The following DCAF8L1 variants were observed in gnomAD, a reference collection of about 807,000 sequenced individuals.
DCAF8L1 encodes the protein DDB1- and CUL4-associated factor 8-like protein 1.
For synonymous variants in DCAF8L1, 217 were observed against 186.8 expected (o/e 1.16, Z -1.32); for missense variants, 434 against 481.6 (o/e 0.90, Z 0.92).
In DCAF8L1 at chrX:27,978,823, G is replaced by A; in HGVS notation, c.*709C>T. On this transcript the variant is annotated 3_prime_UTR_variant, in exon 1 of 1. Transcript: ENST00000441525. ...CCAGGAGCTCTGTGCCATCGTGGCT[G>A]TACACAATGCAGGTGATGTTTGTTG... 1 of 915,220 alleles carries A rather than the reference G, an allele frequency of 1.1e-6. No individual in the cohort carries two copies. Among genetic ancestry groups the A allele is most frequent in the South Asian group, 2.0e-5 (1 of 49,762 alleles). The allele number at this position is 915,220 out of a possible 1,213,427, so 75.4% of individuals were successfully genotyped here. A position where few individuals can be genotyped will look rare whatever the true frequency, so the allele number is the denominator to read the frequency against.
At position 27,979,368 on chromosome X, in the gene DCAF8L1, G is replaced by A; in HGVS notation, c.*164C>T. ...TAGAGGTCAATTATAAGGGAACAAA[G>A]GAAAAGAGGCATAAATAAGTTGTGT... On this transcript the variant is annotated 3_prime_UTR_variant, in exon 1 of 1. Coordinates refer to ENST00000441525, the MANE Select transcript of DCAF8L1 (RefSeq NM_001017930.2). 1.5e-6 allele frequency: 1 copy of A among 645,622 alleles called. No homozygotes were observed. Among genetic ancestry groups the A allele is most frequent in the Non-Finnish European group, 2.1e-6 (1 of 467,846 alleles). 53.2% of individuals were successfully genotyped at this position (645,622 alleles called of 1,213,427 possible).
In DCAF8L1 at chrX:27,979,574, G is replaced by A. The variant is rs756062581; in HGVS notation, c.1761C>T (p.Ser587=). Residue 587 remains serine, a synonymous_variant, in exon 1 of 1, where the codon TCC becomes TCT. Transcript: ENST00000441525. ...GCACTCGATCTTGGCCCTCCTCCTCGGATGTATCTGAGGTGCTGGAAGACT... is the reference window on the plus strand; with the variant it reads ...GCACTCGATCTTGGCCCTCCTCCTCAGATGTATCTGAGGTGCTGGAAGACT... ...LDESSSTSDT[S]EEEGQDRVQC... The A allele has an allele frequency of 1.7e-6, 2 of 1,208,661 alleles. No homozygotes were observed. The highest frequency in any genetic ancestry group is 1.8e-5 in the South Asian group (1 of 56,560).
At position 27,980,596 on chromosome X, in the gene DCAF8L1, A is replaced by T; in HGVS notation, c.739T>A (p.Phe247Ile). 8.2e-7 allele frequency: 1 copy of T among 1,212,238 alleles called. No individual in the cohort carries two copies. The highest frequency in any genetic ancestry group is 1.7e-5 in the African/African-American group (1 of 57,915). The change falls in exon 1 of 1, where the codon TTC becomes ATC. Residue 247 changes from phenylalanine (F) to isoleucine (I), a missense_variant. Transcript: ENST00000441525. Reference protein sequence around the residue: ...GHDINVIQAKFFPNCGDSTLA... With the variant: ...GHDINVIQAKIFPNCGDSTLA... The stretch of plus-strand genomic sequence containing the variant: ...GTGGAATCACCACAGTTAGGAAAGA[A>T]CTTAGCCTGGATGACATTAATATCG...
Position 27,978,917 on chromosome X carries a change from A to G in DCAF8L1, c.*615T>C, listed in dbSNP as rs1320202100. 1.9e-5 allele frequency: 15 copies of G among 775,486 alleles called. No homozygotes were observed. Among genetic ancestry groups the G allele is most frequent in the Admixed American group, 4.8e-5 (2 of 42,078 alleles). The allele number at this position is 775,486 out of a possible 1,213,427, so 63.9% of individuals were successfully genotyped here. On this transcript the variant is annotated 3_prime_UTR_variant, in exon 1 of 1. Transcript: ENST00000441525. ...TACTCCATTGTTTTCTTTCTCATCA[A>G]TTCTCCTCTGGTCATAAATCCTTAA...
Position 27,980,968 on chromosome X carries a change from A to C in DCAF8L1, c.367T>G (p.Cys123Gly). ...EEEQPRMCPR[C>G]GGTNHDQCLL... ...CACTGATCATGGTTGGTGCCACCGC[A>C]TCGTGGACACATCCGAGGCTGTTCT... The change falls in exon 1 of 1, where the codon TGC becomes GGC. Residue 123 changes from cysteine (C) to glycine (G), a missense_variant. Coordinates refer to ENST00000441525, the MANE Select transcript of DCAF8L1 (RefSeq NM_001017930.2). 5 of 1,211,853 alleles carry C rather than the reference A, an allele frequency of 4.1e-6. No individual in the cohort carries two copies. Among genetic ancestry groups the C allele is most frequent in the Non-Finnish European group, 5.6e-6 (5 of 895,490 alleles).
At position 27,978,885 on chromosome X, in the gene DCAF8L1, T is replaced by C. The variant is rs1926578872; in HGVS notation, c.*647A>G. 1.9e-5 allele frequency: 16 copies of C among 836,721 alleles called. No homozygotes were observed. Among genetic ancestry groups the C allele is most frequent in the Non-Finnish European group, 2.8e-5 (16 of 567,995 alleles). The allele number at this position is 836,721 out of a possible 1,213,427, so 69.0% of individuals were successfully genotyped here. On this transcript the variant is annotated 3_prime_UTR_variant, in exon 1 of 1. Coordinates refer to ENST00000441525, the MANE Select transcript of DCAF8L1 (RefSeq NM_001017930.2). ...TTAACCAGATGATGAAGAGTGAATT[T>C]CTTGAGTACTCCATTGTTTTCTTTC...
In DCAF8L1 at chrX:27,981,113, A is replaced by T. The variant is rs755704552; in HGVS notation, c.222T>A (p.Ser74Arg). The change falls in exon 1 of 1, where the codon AGT (serine) becomes AGA (arginine). Residue 74 changes from serine to arginine, a missense_variant. Ser to Arg is a moderately radical substitution (Grantham distance 110). Transcript: ENST00000441525. The part of the protein sequence containing the change: ...STENQNTDSE[S>R]SSEDVELESM... ...TTTCAAGTTCGACGTCTTCACTTGA[A>T]CTTTCTGAGTCTGTGTTTTGATTTT... The T allele has an allele frequency of 8.3e-7, 1 of 1,209,629 alleles. No homozygotes were observed. Among genetic ancestry groups the T allele is most frequent in the African/African-American group, 1.8e-5 (1 of 56,983 alleles).
rs1159897508 is a variant in DCAF8L1 at position 27,978,845 on chromosome X, G to C, written c.*687C>G. The C allele has an allele frequency of 4.3e-6, 4 of 927,240 alleles. No homozygotes were observed. The East Asian group carries it at 1.3e-4, about 31-fold the overall frequency. 76.4% of individuals were successfully genotyped at this position (927,240 alleles called of 1,213,427 possible). A position where few individuals can be genotyped will look rare whatever the true frequency, so the allele number is the denominator to read the frequency against. ...GCTGTACACAATGCAGGTGATGTTTGTTGGAAAATCACAATTAACCAGATG... is the reference window on the plus strand; with the variant it reads ...GCTGTACACAATGCAGGTGATGTTTCTTGGAAAATCACAATTAACCAGATG... On this transcript the variant is annotated 3_prime_UTR_variant, in exon 1 of 1. Transcript: ENST00000441525.
Position 27,981,029 on chromosome X carries a change from C to T in DCAF8L1, c.306G>A (p.Glu102=), listed in dbSNP as rs41311803. 0.083 allele frequency: 100,975 copies of T among 1,209,713 alleles called. 3,066 individuals are homozygous for T. The highest frequency in any genetic ancestry group is 0.13 in the African/African-American group (7,578 of 57,127). Reference sequence around the variant, plus strand: ...CTTCCTCCTCCATCTCTTCTTCTTCCTCCTCCCTTTCTGTCTCCTCTCCCA... The same window carrying T: ...CTTCCTCCTCCATCTCTTCTTCTTCTTCCTCCCTTTCTGTCTCCTCTCCCA... ...PLVGEETERE[E]EEEEMEEEGE... The change falls in exon 1 of 1, where the codon GAG becomes GAA. Residue 102 remains glutamate, a synonymous_variant. Coordinates refer to ENST00000441525, the MANE Select transcript of DCAF8L1 (RefSeq NM_001017930.2).
At position 27,979,054 on chromosome X, in the gene DCAF8L1, T is replaced by G; in HGVS notation, c.*478A>C. ...CTCTTGTTACTACAACTTTTGAAGC[T>G]GTGTGTGTGTGTGGCCAAGTGTTAG... is the stretch of plus-strand genomic sequence containing the variant. On this transcript the variant is annotated 3_prime_UTR_variant, in exon 1 of 1. Transcript: ENST00000441525. 1.7e-5 allele frequency: 5 copies of G among 289,164 alleles called. No individual in the cohort carries two copies. Among genetic ancestry groups the G allele is most frequent in the Non-Finnish European group, 3.2e-5 (5 of 158,207 alleles). 23.8% of individuals were successfully genotyped at this position (289,164 alleles called of 1,213,427 possible).
Position 27,981,211 on chromosome X carries a change from C to T in DCAF8L1, c.124G>A (p.Ala42Thr), listed in dbSNP as rs763661538. The T allele has an allele frequency of 8.3e-7, 1 of 1,211,695 alleles. No individual in the cohort carries two copies. The highest frequency in any genetic ancestry group is 1.8e-5 in the South Asian group (1 of 56,973). The change falls in exon 1 of 1, where the codon GCA (alanine) becomes ACA (threonine). Residue 42 changes from alanine (A) to threonine (T), a missense_variant. Coordinates refer to ENST00000441525, the MANE Select transcript of DCAF8L1 (RefSeq NM_001017930.2). ...TCTCCGGTCGATGGCTCTGTGGCTG[C>T]CATTTCAATGTCTGAGGAGGCCGCC... ...VTAASSDIEM[A>T]ATEPSTGDGG...
In DCAF8L1 at chrX:27,980,953, G is replaced by A. The variant is rs1280803117; in HGVS notation, c.382C>T (p.His128Tyr). ...RMCPRCGGTN[H>Y]DQCLLDEDQA... Reference sequence around the variant, plus strand: ...TCCTCGTCTAACAAACACTGATCATGGTTGGTGCCACCGCATCGTGGACAC... The same window carrying A: ...TCCTCGTCTAACAAACACTGATCATAGTTGGTGCCACCGCATCGTGGACAC... The change falls in exon 1 of 1, where the codon CAT becomes TAT. Residue 128 changes from histidine to tyrosine, a missense_variant. Coordinates refer to ENST00000441525, the MANE Select transcript of DCAF8L1 (RefSeq NM_001017930.2). The A allele has an allele frequency of 5.8e-6, 7 of 1,210,157 alleles. No homozygotes were observed. Among genetic ancestry groups the A allele is most frequent in the East Asian group, 5.9e-5 (2 of 33,696 alleles).
At position 27,980,212 on chromosome X, in the gene DCAF8L1, C is replaced by T. The variant is rs1433723422; in HGVS notation, c.1123G>A (p.Val375Ile). 5.8e-6 allele frequency: 7 copies of T among 1,211,610 alleles called. No homozygotes were observed. Among genetic ancestry groups the T allele is most frequent in the Middle Eastern group, 2.3e-4 (1 of 4,356 alleles). Residue 375 changes from valine (V) to isoleucine (I), a missense_variant, in exon 1 of 1, where the codon GTA becomes ATA. Physicochemically the swap from Val to Ile is conservative, Grantham distance 29 (BLOSUM62 3). Coordinates refer to ENST00000441525, the MANE Select transcript of DCAF8L1 (RefSeq NM_001017930.2). ...RRIDKKENNGVLKKFTPHHLV... is the reference protein window; with the variant it reads ...RRIDKKENNGILKKFTPHHLV... ...TGATGAGGAGTGAATTTCTTGAGTACTCCATTGTTTTCTTTCTTATCAATT... is the reference window on the plus strand; with the variant it reads ...TGATGAGGAGTGAATTTCTTGAGTATTCCATTGTTTTCTTTCTTATCAATT...
At position 27,980,965 on chromosome X, in the gene DCAF8L1, C is replaced by T. The variant is rs201777389; in HGVS notation, c.370G>A (p.Gly124Ser). 71 of 1,210,295 alleles carry T rather than the reference C, an allele frequency of 5.9e-5. No individual in the cohort carries two copies. The highest frequency in any genetic ancestry group is 3.1e-4 in the Admixed American group (14 of 45,844). The change falls in exon 1 of 1, where the codon GGT (glycine) becomes AGT (serine). Residue 124 changes from glycine to serine, a missense_variant. By Grantham distance (56) the Gly-to-Ser change is moderately conservative. Coordinates refer to ENST00000441525, the MANE Select transcript of DCAF8L1 (RefSeq NM_001017930.2). ...AAACACTGATCATGGTTGGTGCCAC[C>T]GCATCGTGGACACATCCGAGGCTGT... Reference protein sequence around the residue: ...EEQPRMCPRCGGTNHDQCLLD... With the variant: ...EEQPRMCPRCSGTNHDQCLLD...
Position 27,980,825 on chromosome X carries a change from G to A in DCAF8L1, c.510C>T (p.Ala170=). ...ALRQRQLGSS[A]RFVYEACGAR... is the part of the protein sequence containing the mutation. ...CCCCACAGGCCTCATATACAAAGCG[G>A]GCACTTGAACCCAGCTGCCGCTGGC... The change falls in exon 1 of 1, where the codon GCC becomes GCT. Residue 170 remains alanine, a synonymous_variant. Coordinates refer to ENST00000441525, the MANE Select transcript of DCAF8L1 (RefSeq NM_001017930.2). 1 of 1,210,569 alleles carries A rather than the reference G, an allele frequency of 8.3e-7. No homozygotes were observed. Among genetic ancestry groups the A allele is most frequent in the Non-Finnish European group, 1.1e-6 (1 of 894,832 alleles).
At position 27,981,242 on chromosome X, in the gene DCAF8L1, C is replaced by T. The variant is rs189774563; in HGVS notation, c.93G>A (p.Ala31=). Residue 31 remains alanine (A), a synonymous_variant, in exon 1 of 1, where the codon GCG becomes GCA. Coordinates refer to ENST00000441525, the MANE Select transcript of DCAF8L1 (RefSeq NM_001017930.2). The part of the protein sequence containing the change: ...SSPEEQSGVA[A]VTAASSDIEM... Reference sequence around the variant, plus strand: ...CAATGTCTGAGGAGGCCGCCGTCACCGCTGCTACTCCAGACTGCTCCTCTG... The same window carrying T: ...CAATGTCTGAGGAGGCCGCCGTCACTGCTGCTACTCCAGACTGCTCCTCTG... The T allele has an allele frequency of 7.6e-5, 92 of 1,208,915 alleles. No homozygotes were observed. Among genetic ancestry groups the T allele is most frequent in the African/African-American group, 8.8e-5 (5 of 56,842 alleles).
chrX:27,981,184 C>T lies in DCAF8L1; in HGVS notation c.151G>A (p.Gly51Ser), dbSNP rs1427037700. 4.1e-6 allele frequency: 5 copies of T among 1,209,881 alleles called. No individual in the cohort carries two copies. The highest frequency in any genetic ancestry group is 5.6e-6 in the Non-Finnish European group (5 of 895,259). ...AAACCACCATCCCTGGTATCACCAC[C>T]ATCTCCGGTCGATGGCTCTGTGGCT... ...MAATEPSTGD[G>S]GDTRDGGFLN... The change falls in exon 1 of 1, where the codon GGT becomes AGT. Residue 51 changes from glycine (G) to serine (S), a missense_variant. Coordinates refer to ENST00000441525, the MANE Select transcript of DCAF8L1 (RefSeq NM_001017930.2).
chrX:27,980,157 A>G lies in DCAF8L1; in HGVS notation c.1178T>C (p.Ile393Thr). Residue 393 changes from isoleucine to threonine, a missense_variant, in exon 1 of 1, where the codon ATC (isoleucine) becomes ACC (threonine). By Grantham distance (89) the Ile-to-Thr change is moderately conservative. Coordinates refer to ENST00000441525, the MANE Select transcript of DCAF8L1 (RefSeq NM_001017930.2). ...HLVYCDFPTN[I>T]TCVVYSHDGT... ...ATCGTGGCTGTACACAACGCAGGTGATGTTTGTTGGGAAATCACAATAAAC... is the reference window on the plus strand; with the variant it reads ...ATCGTGGCTGTACACAACGCAGGTGGTGTTTGTTGGGAAATCACAATAAAC... 2 of 1,211,799 alleles carry G rather than the reference A, an allele frequency of 1.7e-6. No individual in the cohort carries two copies. The highest frequency in any genetic ancestry group is 2.2e-6 in the Non-Finnish European group (2 of 895,561).
rs200108741 is a variant in DCAF8L1 at position 27,980,776 on chromosome X, G to A, written c.559C>T (p.Arg187Cys). 1.8e-4 allele frequency: 217 copies of A among 1,207,813 alleles called. No homozygotes were observed. Among genetic ancestry groups the A allele is most frequent in the Middle Eastern group, 4.6e-4 (2 of 4,370 alleles). The change falls in exon 1 of 1, where the codon CGC (arginine) becomes TGC (cysteine). Residue 187 changes from arginine (R) to cysteine (C), a missense_variant. Arg to Cys is a radical substitution (Grantham distance 180). Coordinates refer to ENST00000441525, the MANE Select transcript of DCAF8L1 (RefSeq NM_001017930.2). ...TGGCTTCCAAGAAGATACTGCAGGC[G>A]GAAACGCTGCACAAAGGTTCTTGCC... Reference protein sequence around the residue: ...CGARTFVQRFRLQYLLGSHAG... With the variant: ...CGARTFVQRFCLQYLLGSHAG...
Sources: allele counts gnomAD v4.1 joint callset, GRCh38; gene constraint gnomAD v4.1.1; transcripts MANE v1.5; gene names NCBI Gene and HGNC (gene_info 2026-07-23, HGNC 2026-07-21).